Variants in RIMS2 observed in about 807,000 individuals in gnomAD.
The protein encoded by RIMS2 is regulating synaptic membrane exocytosis 2, also known as regulating synaptic membrane exocytosis protein 2.
Under a neutral mutation model 174.4 loss-of-function variants are expected in RIMS2, and 59 were observed. That is an observed-to-expected ratio of 0.34 (90% CI 0.27 to 0.42). The LOEUF is 0.42. RIMS2 is among the 10% of genes least tolerant of loss of function. The pLI is 1.00. For missense variants in RIMS2, 1,620 were observed against 1,666.3 expected, an observed-to-expected ratio of 0.97 and a Z score of 0.48; for synonymous variants, 606 against 572.5, an observed-to-expected ratio of 1.06 and a Z score of -0.84.
At chr8:103,860,758 T>C (rs1002320838) in intron 3 of RIMS2, among the ~76,000 whole-genome samples, 1 of 150,736 alleles carries the variant, frequency 6.6e-6, no homozygotes, top group Admixed American at 6.6e-5. Flanking sequence ...ACTTTACACA[T>C]CCCAATGAGC....
intron 1 of RIMS2, among the ~76,000 whole-genome samples, chr8:103,636,794 C>T (rs4133773): frequency 2.5e-4 from 14 of 55,528 alleles, no homozygotes; most frequent in East Asian, 8.7e-4. Flanking sequence ...CCGCACCCCC[C>T]CCCCCCCACA....
At chr8:104,179,324 A>G (rs1330782130) in intron 19 of RIMS2, among the ~76,000 whole-genome samples, 1 of 152,078 alleles carries the variant, frequency 6.6e-6, no homozygotes, top group Non-Finnish European at 1.5e-5. Flanking sequence ...TGAAATAATT[A>G]GATTTCTATA....
intron 1 of RIMS2, among the ~76,000 whole-genome samples, chr8:103,614,462 C>T (rs1419743700): frequency 2.0e-5 from 3 of 152,230 alleles, no homozygotes; most frequent in Non-Finnish European, 4.4e-5. Context: ...CCTTCTCATG[C>T]CCCTTTTAAT....
At chr8:104,052,614 C>G (rs2096804643) in intron 19 of RIMS2, among the ~76,000 whole-genome samples, 1 of 152,020 alleles carries the variant, frequency 6.6e-6, no homozygotes, top group Non-Finnish European at 1.5e-5. Flanking sequence ...GAAATAGATT[C>G]TAGGTATTGT....
At chr8:104,115,254 A>G (rs1297530058) in intron 19 of RIMS2, among the ~76,000 whole-genome samples, 1 of 152,126 alleles carries the variant, frequency 6.6e-6, no homozygotes, top group Non-Finnish European at 1.5e-5. Context: ...CATTAAGTGT[A>G]GTTTCTTCAG....
intron 20 of RIMS2, among the ~76,000 whole-genome samples, chr8:104,246,971 G>A (rs190061269): frequency 1.0e-3 from 150 of 143,858 alleles, no homozygotes; most frequent in Non-Finnish European, 1.6e-3. Flanking sequence ...TCTGACTTCC[G>A]TTTTTGGCAT....
chr8:103,560,426 A>G lies in RIMS2; in HGVS notation c.176+59364A>G, dbSNP rs1038261712. Among the ~76,000 whole-genome samples, 32 of 152,300 alleles carry G rather than the reference A, an allele frequency of 2.1e-4. 1 individual carries two copies. Among genetic ancestry groups the G allele is most frequent in the Admixed American group, 2.1e-3 (32 of 15,288 alleles). On this transcript the variant is annotated intron_variant, in intron 1 of 23. Coordinates refer to ENST00000504942, the Ensembl canonical transcript of RIMS2. ...GCTAAGTTTAGACTTGATCTTATCTATCTCTACCAACTAAAATATTAGAAA... is the reference window on the plus strand; with the variant it reads ...GCTAAGTTTAGACTTGATCTTATCTGTCTCTACCAACTAAAATATTAGAAA...
chr8:103,713,289 G>A (rs1372053447), intron 2 of RIMS2, among the ~76,000 whole-genome samples: 1 of 152,162 alleles, frequency 6.6e-6, no homozygotes, highest in Non-Finnish European at 1.5e-5. Flanking sequence ...AAAGTTCTGG[G>A]TTTACAGGCA....
rs2094555214 is a variant in RIMS2 at position 103,989,499 on chromosome 8, T to G, written c.3044+78T>G. The G allele has an allele frequency of 4.4e-6, 3 of 689,590 alleles. No individual in the cohort carries two copies. In the East Asian group the frequency reaches 8.0e-5, roughly 18 times the overall value. The allele number at this position is 689,590 out of a possible 1,614,324, so 42.7% of individuals were successfully genotyped here. ...CAGGAAGGGGTTACCATAAAATATTTTCACATATTCCTTTTTCTTAGTTTC... is the reference window on the plus strand; with the variant it reads ...CAGGAAGGGGTTACCATAAAATATTGTCACATATTCCTTTTTCTTAGTTTC... On this transcript the variant is annotated intron_variant, in intron 17 of 23. Coordinates refer to ENST00000504942, the Ensembl canonical transcript of RIMS2.
At chr8:103,856,149 T>C (rs1348940453) in intron 3 of RIMS2, among the ~76,000 whole-genome samples, 1 of 152,210 alleles carries the variant, frequency 6.6e-6, no homozygotes, top group East Asian at 1.9e-4. Context: ...ATTTTAGTAG[T>C]TTAAAATCTA....
chr8:104,228,229 C>A (rs10102344), intron 19 of RIMS2, among the ~76,000 whole-genome samples: 6 of 151,784 alleles, frequency 4.0e-5, no homozygotes, highest in African/African-American at 1.5e-4. Context: ...AGGGTTTCAC[C>A]GTGTTAGCCA....
chr8:103,949,564 A>G (rs1418345476), intron 14 of RIMS2, among the ~76,000 whole-genome samples: 17 of 152,240 alleles, frequency 1.1e-4, no homozygotes, highest in Admixed American at 1.1e-3. Context: ...GAAGTTAAAC[A>G]GGAAATTAAA....
intron 3 of RIMS2, among the ~76,000 whole-genome samples, chr8:103,850,691 T>C (rs1001932217): frequency 1.3e-5 from 2 of 152,202 alleles, no homozygotes; most frequent in African/African-American, 4.8e-5. Context: ...TTTATATTTC[T>C]GGCTACAACT....
At chr8:103,621,104 T>C (rs2095624095) in intron 1 of RIMS2, among the ~76,000 whole-genome samples, 1 of 152,322 alleles carries the variant, frequency 6.6e-6, no homozygotes, top group East Asian at 1.9e-4. Flanking sequence ...TCCCTGAAAG[T>C]AGGGATTATG....
chr8:103,888,109 C>T (rs923582220), intron 4 of RIMS2, among the ~76,000 whole-genome samples: 6 of 151,206 alleles, frequency 4.0e-5, no homozygotes, highest in Admixed American at 3.3e-4. Context: ...AAATGTGATA[C>T]TGATAGAAAA....
intron 1 of RIMS2, among the ~76,000 whole-genome samples, chr8:103,662,889 G>A (rs796538932): frequency 1.5e-4 from 23 of 152,268 alleles, no homozygotes; most frequent in African/African-American, 5.1e-4. Context: ...TTCTGGAGCA[G>A]GCCAGGCACA....
At chr8:103,619,161 A>T (rs1306161897) in intron 1 of RIMS2, among the ~76,000 whole-genome samples, 1 of 151,970 alleles carries the variant, frequency 6.6e-6, no homozygotes, top group Non-Finnish European at 1.5e-5. Context: ...CTCTCAAGTA[A>T]CAAGAGAACC....
At chr8:103,806,445 A>G (rs1277604566) in intron 3 of RIMS2, among the ~76,000 whole-genome samples, 7 of 152,180 alleles carry the variant, frequency 4.6e-5, no homozygotes, top group African/African-American at 1.7e-4. Flanking sequence ...ACTATAAATC[A>G]CAAGCTCTAG....
chr8:103,596,058 G>C (rs2094467556), intron 1 of RIMS2, among the ~76,000 whole-genome samples: 1 of 151,776 alleles, frequency 6.6e-6, no homozygotes, highest in Non-Finnish European at 1.5e-5. Context: ...CTAATCTTCT[G>C]AAATTTGTCT....
Sources: gnomAD v4.1 joint callset for allele counts (sites outside exome capture counted in the v4.1 genomes callset) on GRCh38, gnomAD v4.1.1 for gene constraint, MANE v1.5 for transcripts, NCBI Gene and HGNC (gene_info 2026-07-23, HGNC 2026-07-21) for gene names.